CLSTN2: variants seen among roughly 807,000 people sequenced by gnomAD.
CLSTN2 encodes the protein calsyntenin-2.
CLSTN2 carries 48 observed loss-of-function variants against 101.2 expected under a neutral mutation model. That is an observed-to-expected ratio of 0.47 (90% confidence interval 0.38 to 0.60). CLSTN2 has a LOEUF of 0.60. Ranked by LOEUF, CLSTN2 falls within the 20% of genes least tolerant of loss-of-function variation. The pLI is 0.00. For synonymous variants in CLSTN2, 481 were observed against 463.6 expected, an observed-to-expected ratio of 1.04 and a Z score of -0.48; for missense variants, 1,160 against 1,238.2, an observed-to-expected ratio of 0.94 and a Z score of 0.95.
At chr3:140,121,303 C>T (rs1404133129) in intron 1 of CLSTN2, among the ~76,000 whole-genome samples, 1 of 152,130 alleles carries the variant, frequency 6.6e-6, no homozygotes, top group Non-Finnish European at 1.5e-5. Flanking sequence ...AATTTCCTCT[C>T]ACGTGAAATG....
At chr3:140,275,454 T>G (rs768833657) in intron 2 of CLSTN2, among the ~76,000 whole-genome samples, 4 of 152,216 alleles carry the variant, frequency 2.6e-5, no homozygotes, top group Middle Eastern at 3.4e-3. Context: ...TTATTATTTG[T>G]AGGGATGGGG....
chr3:140,180,075 G>C (rs898796468), intron 2 of CLSTN2, among the ~76,000 whole-genome samples: 1 of 152,118 alleles, frequency 6.6e-6, no homozygotes, highest in African/African-American at 2.4e-5. Flanking sequence ...AGCTTTCCAG[G>C]GCTGTTTGTT....
chr3:140,005,619 C>T (rs962026937), intron 1 of CLSTN2, among the ~76,000 whole-genome samples: 2 of 152,128 alleles, frequency 1.3e-5, no homozygotes, highest in African/African-American at 4.8e-5. Flanking sequence ...AAAATTCCCA[C>T]CGTTGAACAG....
chr3:139,955,400 G>C (rs1195530822), intron 1 of CLSTN2, among the ~76,000 whole-genome samples: 1 of 152,048 alleles, frequency 6.6e-6, no homozygotes, highest in Non-Finnish European at 1.5e-5. Flanking sequence ...CATACAAGAG[G>C]CTGGTGTTTA....
intron 4 of CLSTN2, among the ~76,000 whole-genome samples, chr3:140,420,434 A>T (rs73867162): frequency 0.032 from 4,892 of 152,268 alleles, 227 homozygotes; most frequent in African/African-American, 0.11. Context: ...AAAAATAATG[A>T]ATTAACATTT....
intron 1 of CLSTN2, among the ~76,000 whole-genome samples, chr3:139,953,863 A>G (rs1299303345): frequency 6.6e-6 from 1 of 151,766 alleles, no homozygotes; most frequent in East Asian, 1.9e-4. Flanking sequence ...TCCTTGCCTC[A>G]GGGCCTGCTT....
intron 9 of CLSTN2, among the ~76,000 whole-genome samples, chr3:140,536,885 C>A (rs1306095839): frequency 6.6e-6 from 1 of 152,170 alleles, no homozygotes; most frequent in East Asian, 1.9e-4. Flanking sequence ...TGAGACCAAA[C>A]CCTGGGACAC....
At chr3:140,240,444 T>C (rs1455878073) in intron 2 of CLSTN2, among the ~76,000 whole-genome samples, 2 of 151,578 alleles carry the variant, frequency 1.3e-5, no homozygotes, top group Non-Finnish European at 2.9e-5. Context: ...TTGAGCCCCT[T>C]ACCTAGCTGT....
chr3:140,174,673 G>A (rs1422540385), intron 1 of CLSTN2, among the ~76,000 whole-genome samples: 1 of 152,202 alleles, frequency 6.6e-6, no homozygotes, highest in African/African-American at 2.4e-5. Flanking sequence ...AGCCGTAAAA[G>A]CGGAAACCCC....
intron 1 of CLSTN2, among the ~76,000 whole-genome samples, chr3:140,004,520 T>C (rs529354364): frequency 6.6e-6 from 1 of 152,342 alleles, no homozygotes; most frequent in African/African-American, 2.4e-5. Flanking sequence ...TCTAAAAATA[T>C]TTAAGCAGTC....
intron 1 of CLSTN2, among the ~76,000 whole-genome samples, chr3:140,089,503 C>G (rs927915855): frequency 6.6e-6 from 1 of 152,118 alleles, no homozygotes; most frequent in African/African-American, 2.4e-5. Flanking sequence ...TCAGCAGGCT[C>G]TAAACTCCCA....
chr3:140,241,767 T>A (rs1056396280), intron 2 of CLSTN2, among the ~76,000 whole-genome samples: 1 of 151,058 alleles, frequency 6.6e-6, no homozygotes, highest in South Asian at 2.1e-4. Flanking sequence ...CAGTTGCTTA[T>A]GTGCTACAGA....
intron 1 of CLSTN2, among the ~76,000 whole-genome samples, chr3:140,125,478 T>C (rs142611280): frequency 2.0e-4 from 31 of 151,990 alleles, no homozygotes; most frequent in African/African-American, 6.5e-4. Context: ...CAGATACCAG[T>C]GAGTTGGAGA....
intron 1 of CLSTN2, among the ~76,000 whole-genome samples, chr3:139,988,385 C>T (rs1053185415): frequency 1.3e-5 from 2 of 152,092 alleles, no homozygotes; most frequent in Admixed American, 6.6e-5. Flanking sequence ...AGCACAACAC[C>T]AACATAATGA....
chr3:140,187,804 A>G (rs528535539), intron 2 of CLSTN2, among the ~76,000 whole-genome samples: 4 of 152,254 alleles, frequency 2.6e-5, no homozygotes, highest in South Asian at 2.1e-4. Flanking sequence ...AAATGTATCA[A>G]CTTGATTTAC....
chr3:140,210,986 C>T (rs748546432), intron 2 of CLSTN2, among the ~76,000 whole-genome samples: 3 of 152,110 alleles, frequency 2.0e-5, no homozygotes, highest in Non-Finnish European at 4.4e-5. Flanking sequence ...GAGAATTCTG[C>T]TTACTATATA....
intron 2 of CLSTN2, among the ~76,000 whole-genome samples, chr3:140,311,178 T>C (rs1164668636): frequency 6.6e-6 from 1 of 151,666 alleles, no homozygotes; most frequent in Non-Finnish European, 1.5e-5. Context: ...CAGATTTGCA[T>C]TGCCCAGGAT....
intron 1 of CLSTN2, among the ~76,000 whole-genome samples, chr3:140,172,430 G>C (rs2010253580): frequency 6.6e-6 from 1 of 152,158 alleles, no homozygotes; most frequent in Admixed American, 6.5e-5. Flanking sequence ...ACAAGACATA[G>C]AAGGGGAAGG....
chr3:140,268,663 G>A (rs1240372823), intron 2 of CLSTN2, among the ~76,000 whole-genome samples: 7 of 152,194 alleles, frequency 4.6e-5, no homozygotes, highest in African/African-American at 1.7e-4. Context: ...GGCTAACTCA[G>A]TATCCAGCCA....
Sources: allele counts gnomAD v4.1 joint callset (sites outside exome capture counted in the v4.1 genomes callset), GRCh38; gene constraint gnomAD v4.1.1; transcripts MANE v1.5; gene names NCBI Gene and HGNC (gene_info 2026-07-23, HGNC 2026-07-21).